The following RUNX2 variants were observed in gnomAD, a reference collection of about 807,000 sequenced individuals.
RUNX2 encodes the protein runt-related transcription factor 2.
A neutral mutation model predicts 51.7 loss-of-function variants in RUNX2; 10 were observed. The observed-to-expected ratio is 0.19, with a 90% CI of 0.12 to 0.33. The LOEUF (loss-of-function observed/expected upper bound fraction) is 0.33. Ranked by LOEUF, RUNX2 falls within the 10% of genes least tolerant of loss-of-function variation. RUNX2 has a pLI of 1.00. For synonymous variants in RUNX2, 276 were observed against 273.6 expected (o/e 1.01, Z -0.09); for missense variants, 562 against 691.3 (o/e 0.81, Z 2.10).
At chr6:45,521,368 C>G (rs1801504223) in intron 7 of RUNX2, among the ~76,000 whole-genome samples, 1 of 152,128 alleles carries the variant, frequency 6.6e-6, no homozygotes, top group Admixed American at 6.5e-5. Flanking sequence ...AGTCTTTTTG[C>G]AATATGTTTC....
chr6:45,474,766 G>T (rs1799907994), intron 5 of RUNX2, among the ~76,000 whole-genome samples: 3 of 152,156 alleles, frequency 2.0e-5, no homozygotes, highest in Non-Finnish European at 2.9e-5. Flanking sequence ...TGTTTTTGTA[G>T]TGAGAGCTGC....
At chr6:45,378,079 T>A (rs1797076698) in intron 2 of RUNX2, 1 of 151,980 alleles carries the variant, frequency 6.6e-6, no homozygotes, top group African/African-American at 2.4e-5. Context: ...GCGCGCGCTC[T>A]CCCAGCCCGA....
At chr6:45,388,219 G>A (rs1373716360) in intron 2 of RUNX2, among the ~76,000 whole-genome samples, 1 of 152,154 alleles carries the variant, frequency 6.6e-6, no homozygotes, top group Non-Finnish European at 1.5e-5. Context: ...AAAAAGAAAT[G>A]AGAACTTGAA....
chr6:45,478,337 A>G (rs1226974847), intron 5 of RUNX2, among the ~76,000 whole-genome samples: 1 of 152,168 alleles, frequency 6.6e-6, no homozygotes, highest in African/African-American at 2.4e-5. Flanking sequence ...TAGTGGTTTT[A>G]CCTGTGTAGG....
At chr6:45,436,432 G>T (rs563245853) in intron 4 of RUNX2, among the ~76,000 whole-genome samples, 50 of 152,230 alleles carry the variant, frequency 3.3e-4, no homozygotes, top group Admixed American at 1.2e-3. Flanking sequence ...TGTGCAATGG[G>T]GGTGAGAGAT....
rs1802470127 is a variant in RUNX2 at position 45,548,476 on chromosome 6, AAC to A, written c.*1175_*1176del. On this transcript the variant is annotated 3_prime_UTR_variant, in exon 9 of 9. Transcript: ENST00000647337. ...TTCTTTCAGATCTTTGAATGCCTCT[AAC>A]ACAGCTTTGCCTTCTAAAGCGGTAA... 6.5e-6 allele frequency: 1 copy of A among 152,692 alleles called. No homozygotes were observed. The highest frequency in any genetic ancestry group is 2.4e-5 in the African/African-American group (1 of 41,466). The allele number at this position is 152,692 out of a possible 1,614,324, so 9.5% of individuals were successfully genotyped here.
intron 7 of RUNX2, among the ~76,000 whole-genome samples, chr6:45,534,583 T>C (rs1801974006): frequency 6.6e-6 from 1 of 152,080 alleles, no homozygotes; most frequent in African/African-American, 2.4e-5. Flanking sequence ...GCCAGGGAAC[T>C]GAGGAGAGCA....
At position 45,548,970 on chromosome 6, in the gene RUNX2, T is replaced by A; in HGVS notation, c.*1665T>A. On this transcript the variant is annotated 3_prime_UTR_variant, in exon 9 of 9. Coordinates refer to ENST00000647337, the MANE Select transcript of RUNX2 (RefSeq NM_001024630.4). ...CAGGTAGCTGAGCTGAGAGGACATA[T>A]GGCCCACGGGGACCTACAGACAGCC... 2.5e-6 allele frequency: 1 copy of A among 396,702 alleles called. No homozygotes were observed. The highest frequency in any genetic ancestry group is 4.4e-6 in the Non-Finnish European group (1 of 225,108). The allele number at this position is 396,702 out of a possible 1,614,324, so 24.6% of individuals were successfully genotyped here. A position where few individuals can be genotyped will look rare whatever the true frequency, so the allele number is the denominator to read the frequency against.
In RUNX2 at chr6:45,549,289, GGCCC is replaced by G; in HGVS notation, c.*1985_*1988del. On this transcript the variant is annotated 3_prime_UTR_variant, in exon 9 of 9. Coordinates refer to ENST00000647337, the MANE Select transcript of RUNX2 (RefSeq NM_001024630.4). ...CAGAGATTTGCCTTCAAACCCTAAC[GGCCC>G]CCTTGTTCTCTGGTCCTTCTCAAAC... 2.5e-6 allele frequency: 1 copy of G among 398,390 alleles called. No individual in the cohort carries two copies. The highest frequency in any genetic ancestry group is 4.4e-6 in the Non-Finnish European group (1 of 226,060). 24.7% of individuals were successfully genotyped at this position (398,390 alleles called of 1,614,324 possible).
chr6:45,394,642 T>C (rs1488583690), intron 2 of RUNX2, among the ~76,000 whole-genome samples: 1 of 152,174 alleles, frequency 6.6e-6, no homozygotes, highest in Non-Finnish European at 1.5e-5. Context: ...GTGCTTCTCA[T>C]CTTCTCCTCC....
At chr6:45,503,000 C>T (rs144147808) in intron 6 of RUNX2, among the ~76,000 whole-genome samples, 3 of 152,292 alleles carry the variant, frequency 2.0e-5, no homozygotes, top group Middle Eastern at 3.4e-3. Flanking sequence ...TTGCCTTCTT[C>T]CCAGGAACTG....
intron 5 of RUNX2, among the ~76,000 whole-genome samples, chr6:45,468,800 T>C (rs926790854): frequency 1.3e-5 from 2 of 152,278 alleles, no homozygotes; most frequent in African/African-American, 4.8e-5. Flanking sequence ...ACTGGCATCA[T>C]TAGCCTATGC....
intron 7 of RUNX2, among the ~76,000 whole-genome samples, chr6:45,525,037 G>A (rs1801629913): frequency 6.6e-6 from 1 of 152,292 alleles, no homozygotes; most frequent in East Asian, 1.9e-4. Flanking sequence ...CTTGAACCCG[G>A]GAGGTGGAGG....
chr6:45,338,618 T>G (rs1789113820), intron 2 of RUNX2, among the ~76,000 whole-genome samples: 1 of 152,152 alleles, frequency 6.6e-6, no homozygotes, highest in Admixed American at 6.5e-5. Flanking sequence ...ACTGACCATG[T>G]GATAAAAATA....
intron 7 of RUNX2, among the ~76,000 whole-genome samples, chr6:45,539,623 G>T (rs757114433): frequency 2.6e-5 from 4 of 152,208 alleles, no homozygotes; most frequent in Non-Finnish European, 4.4e-5. Context: ...GAACCTCAGT[G>T]TGGAAAATGC....
intron 5 of RUNX2, among the ~76,000 whole-genome samples, chr6:45,447,415 G>A (rs1799034091): frequency 6.6e-6 from 1 of 152,180 alleles, no homozygotes; most frequent in Admixed American, 6.5e-5. Context: ...TCCTTTCAGA[G>A]TATTCCTTTT....
At chr6:45,509,365 A>G (rs1456615802) in intron 6 of RUNX2, among the ~76,000 whole-genome samples, 1 of 152,222 alleles carries the variant, frequency 6.6e-6, no homozygotes, top group East Asian at 1.9e-4. Flanking sequence ...ATATGTGCTA[A>G]GAGTGCCAGG....
intron 3 of RUNX2, among the ~76,000 whole-genome samples, chr6:45,431,259 G>A (rs895449120): frequency 3.3e-5 from 5 of 152,022 alleles, no homozygotes; most frequent in Non-Finnish European, 7.4e-5. Context: ...GATGACTTTG[G>A]ATATCACACT....
rs1797459940 is a variant in RUNX2 at position 45,391,119 on chromosome 6, C to CAAGAT, written c.59-31473_59-31469dup. Reference sequence around the variant, plus strand: ...AATCATTGCATGTCTTGTATAGGTACAAGATTCTATGTGATATGGTTTGGA... The same window carrying CAAGAT: ...AATCATTGCATGTCTTGTATAGGTACAAGATAAGATTCTATGTGATATGGTTTGGA... On this transcript the variant is annotated intron_variant, in intron 2 of 8. Coordinates refer to ENST00000647337, the MANE Select transcript of RUNX2 (RefSeq NM_001024630.4). Among the ~76,000 whole-genome samples the CAAGAT allele has an allele frequency of 3.3e-5, 5 of 152,176 alleles. No individual in the cohort carries two copies. The South Asian group carries it at 1.0e-3, about 32-fold the overall frequency.
Sources: gnomAD v4.1 joint callset for allele counts (sites outside exome capture counted in the v4.1 genomes callset) on GRCh38, gnomAD v4.1.1 for gene constraint, MANE v1.5 for transcripts, NCBI Gene and HGNC (gene_info 2026-07-23, HGNC 2026-07-21) for gene names.